WDPCP: variants seen among roughly 807,000 people sequenced by gnomAD.
The protein encoded by WDPCP is WD repeat containing planar cell polarity effector.
WDPCP carries 71 observed loss-of-function variants against 93.1 expected under a neutral mutation model. The observed-to-expected ratio is 0.76, with a 90% confidence interval of 0.63 to 0.93. The LOEUF (loss-of-function observed/expected upper bound fraction) is 0.93, where lower values mean the gene tolerates loss of function less well. WDPCP is among the 40% of genes least tolerant of loss of function. The pLI, the probability that WDPCP is intolerant of heterozygous loss-of-function variation, is 0.00. For synonymous variants in WDPCP, 315 were observed against 315.0 expected, an observed-to-expected ratio of 1.00 and a Z score of 0.00; for missense variants, 844 against 887.4, an observed-to-expected ratio of 0.95 and a Z score of 0.62.
At chr2:63,138,197 T>G (rs1670782308) in intron 17 of WDPCP, among the ~76,000 whole-genome samples, 2 of 152,076 alleles carry the variant, frequency 1.3e-5, no homozygotes, top group East Asian at 3.9e-4. Flanking sequence ...GATTAAATTT[T>G]TGTACTCATC....
chr2:63,214,282 G>C (rs1677113555), intron 14 of WDPCP, among the ~76,000 whole-genome samples: 1 of 152,172 alleles, frequency 6.6e-6, no homozygotes, highest in Non-Finnish European at 1.5e-5. Context: ...CCATGATCAA[G>C]TGGGCTTCAT....
chr2:63,599,119 A>G (rs1575723438), intron 3 of WDPCP: 1 of 1,556,716 alleles, frequency 6.4e-7, no homozygotes, highest in Non-Finnish European at 8.7e-7. Flanking sequence ...AACATAGATT[A>G]GTTAGTAACT....
chr2:63,175,772 T>C (rs1414330815), intron 14 of WDPCP, among the ~76,000 whole-genome samples: 1 of 152,220 alleles, frequency 6.6e-6, no homozygotes. Flanking sequence ...ATTTCTTCCT[T>C]TTTAAGACTG....
chr2:63,643,574 T>C, intron 3 of WDPCP: 2 of 433,444 alleles, frequency 4.6e-6, no homozygotes, highest in African/African-American at 2.0e-5. Flanking sequence ...CTGAATCTGT[T>C]ACTCACCTTG....
intron 13 of WDPCP, among the ~76,000 whole-genome samples, chr2:63,291,741 A>T (rs1234177521): frequency 6.6e-6 from 1 of 151,872 alleles, no homozygotes; most frequent in South Asian, 2.1e-4. Flanking sequence ...TGCAGGAGGC[A>T]GAGGTTGCAG....
chr2:63,766,848 T>C lies in WDPCP; in HGVS notation n.308+46774A>G, dbSNP rs181975364. Among the ~76,000 whole-genome samples the C allele has an allele frequency of 1.7e-3, 259 of 152,278 alleles. 1 individual carries two copies. The highest frequency in any genetic ancestry group is 6.8e-3 in the Middle Eastern group (2 of 294). ...CATCACCACCATATAACTCCATAAC[T>C]CTTTTCATTTTGTAAAACTGAAACT... On this transcript the variant is annotated intron_variant and non_coding_transcript_variant, in intron 2 of 4. Transcript: ENST00000467687.
intron 3 of WDPCP, among the ~76,000 whole-genome samples, chr2:63,637,684 AC>A (rs1333226744): frequency 8.5e-5 from 13 of 152,296 alleles, no homozygotes; most frequent in Admixed American, 6.5e-4. Context: ...AGGAAAGGGT[AC>A]TAAACATCAC....
At chr2:63,258,522 A>C (rs991614982) in intron 14 of WDPCP, among the ~76,000 whole-genome samples, 1 of 143,044 alleles carries the variant, frequency 7.0e-6, no homozygotes, top group Non-Finnish European at 1.6e-5. Flanking sequence ...GGCTTGTATA[A>C]GATTTTTCAA....
chr2:63,549,513 A>G (rs561322895), intron 1 of WDPCP, among the ~76,000 whole-genome samples: 18 of 152,332 alleles, frequency 1.2e-4, no homozygotes, highest in African/African-American at 4.3e-4. Context: ...TCACGCCTGT[A>G]ATCCCAACAC....
At chr2:63,831,726 A>G (rs72891011), upstream of WDPCP, among the ~76,000 whole-genome samples, 7 of 152,234 alleles carry the variant, frequency 4.6e-5, no homozygotes, top group South Asian at 1.4e-3. Flanking sequence ...CAATATATTT[A>G]AATCATGGGT....
chr2:63,568,997 G>C (rs892883050), intron 1 of WDPCP, among the ~76,000 whole-genome samples: 2 of 152,212 alleles, frequency 1.3e-5, no homozygotes, highest in African/African-American at 4.8e-5. Context: ...AAATGGGGAG[G>C]AAAGTCTTTG....
At chr2:63,592,377 A>T (rs1461033392), upstream of WDPCP, among the ~76,000 whole-genome samples, 3 of 152,174 alleles carry the variant, frequency 2.0e-5, no homozygotes, top group East Asian at 5.8e-4. Flanking sequence ...TTGAGACAGG[A>T]TCTCACTCTG....
intron 13 of WDPCP, among the ~76,000 whole-genome samples, chr2:63,301,791 CTT>C (rs35225838): frequency 1.6e-4 from 23 of 144,782 alleles, no homozygotes; most frequent in Middle Eastern, 3.6e-3. Context: ...AAAGGGATGC[CTT>C]TTTTTTTTTT....
At chr2:63,785,315 C>G (rs1175353378) in intron 2 of WDPCP, among the ~76,000 whole-genome samples, 2 of 152,160 alleles carry the variant, frequency 1.3e-5, no homozygotes, top group African/African-American at 2.4e-5. Context: ...CACACCTAGG[C>G]TGGCTACTTA....
At chr2:63,435,542 G>T (rs1697078587) in intron 8 of WDPCP, among the ~76,000 whole-genome samples, 1 of 152,052 alleles carries the variant, frequency 6.6e-6, no homozygotes, top group South Asian at 2.1e-4. Flanking sequence ...TGTTACCTAT[G>T]AATTTCTAGA....
intron 2 of WDPCP, among the ~76,000 whole-genome samples, chr2:63,492,023 T>C (rs1239398067): frequency 1.4e-4 from 21 of 152,184 alleles, no homozygotes; most frequent in Admixed American, 1.0e-3. Flanking sequence ...AGCAAACAAA[T>C]GTTAAATCTA....
rs59335688 is a variant in WDPCP, at chr2:63,771,233, A to G, written n.308+42389T>C. Among the ~76,000 whole-genome samples the G allele has an allele frequency of 4.2e-3, 633 of 151,874 alleles. 3 individuals are homozygous for G. Among genetic ancestry groups the G allele is most frequent in the African/African-American group, 0.014 (593 of 41,512 alleles). Reference sequence around the variant, plus strand: ...GAAAAGGAGATATCACTATAAAGTCAATGGACATTAAAAAATAATAAAATA... The same window carrying G: ...GAAAAGGAGATATCACTATAAAGTCGATGGACATTAAAAAATAATAAAATA... On this transcript the variant is annotated intron_variant and non_coding_transcript_variant, in intron 2 of 4. Transcript: ENST00000467687.
chr2:63,143,719 A>G (rs1045835290), intron 17 of WDPCP, among the ~76,000 whole-genome samples: 1 of 152,198 alleles, frequency 6.6e-6, no homozygotes, highest in Non-Finnish European at 1.5e-5. Context: ...GCTGGATACT[A>G]AATTCTTGGC....
chr2:63,811,088 G>A (rs1670855318), intron 2 of WDPCP, among the ~76,000 whole-genome samples: 1 of 152,130 alleles, frequency 6.6e-6, no homozygotes, highest in South Asian at 2.1e-4. Context: ...GCAGAAACCA[G>A]GCTTCACTTC....
Sources: allele counts gnomAD v4.1 joint callset (sites outside exome capture counted in the v4.1 genomes callset), GRCh38; gene constraint gnomAD v4.1.1; transcripts MANE v1.5; gene names NCBI Gene and HGNC (gene_info 2026-07-23, HGNC 2026-07-21).